Variants in DLG2 observed in about 807,000 individuals in gnomAD.
DLG2 encodes the protein disks large homolog 2.
Under a neutral mutation model 132.5 loss-of-function variants are expected in DLG2, and 45 were observed. That is an observed-to-expected ratio of 0.34 (90% CI 0.27 to 0.44). The LOEUF is 0.44. DLG2 is among the 20% of genes least tolerant of loss of function. The pLI, the probability that DLG2 is intolerant of heterozygous loss-of-function variation, is 1.00. For synonymous variants in DLG2, 424 were observed against 419.6 expected (o/e 1.01, Z -0.13); for missense variants, 1,045 against 1,196.9 (o/e 0.87, Z 1.87).
At chr11:84,406,333 G>A (rs1292974805) in intron 7 of DLG2, among the ~76,000 whole-genome samples, 3 of 151,950 alleles carry the variant, frequency 2.0e-5, no homozygotes, top group African/African-American at 4.8e-5. Flanking sequence ...TTGTTCATTT[G>A]TTTGAGACAG....
intron 6 of DLG2, among the ~76,000 whole-genome samples, chr11:85,095,119 C>T (rs527492120): frequency 6.6e-6 from 1 of 152,234 alleles, no homozygotes; most frequent in African/African-American, 2.4e-5. Context: ...TATATGGGCA[C>T]ATTTTATGAC....
At chr11:84,571,976 T>G (rs966292729) in intron 6 of DLG2, among the ~76,000 whole-genome samples, 3 of 152,166 alleles carry the variant, frequency 2.0e-5, no homozygotes, top group Non-Finnish European at 4.4e-5. Context: ...TAACAACTCT[T>G]TGAGGTAAAT....
chr11:85,256,438 A>T (rs2076669191), intron 4 of DLG2, among the ~76,000 whole-genome samples: 1 of 152,168 alleles, frequency 6.6e-6, no homozygotes, highest in Admixed American at 6.5e-5. Flanking sequence ...GTATTACCTG[A>T]TTCTTCCTTG....
intron 25 of DLG2, among the ~76,000 whole-genome samples, chr11:83,468,240 C>T (rs1328515296): frequency 1.3e-5 from 2 of 152,146 alleles, no homozygotes; most frequent in Admixed American, 1.3e-4. Flanking sequence ...GTCTTCTTAT[C>T]TGAGAAACCC....
At chr11:85,413,450 T>C (rs1290429362) in intron 3 of DLG2, among the ~76,000 whole-genome samples, 2 of 152,090 alleles carry the variant, frequency 1.3e-5, no homozygotes, top group Admixed American at 1.3e-4. Context: ...GTGTTTGTTT[T>C]TGGGTTCTTG....
intron 8 of DLG2, among the ~76,000 whole-genome samples, chr11:84,246,204 T>C (rs1201445112): frequency 6.6e-6 from 1 of 152,222 alleles, no homozygotes; most frequent in Non-Finnish European, 1.5e-5. Flanking sequence ...AAATATTAAA[T>C]GGAGAATTCC....
intron 19 of DLG2, among the ~76,000 whole-genome samples, chr11:83,561,266 T>C (rs1322214195): frequency 6.6e-6 from 1 of 152,098 alleles, no homozygotes; most frequent in Non-Finnish European, 1.5e-5. Context: ...CCAAACCATA[T>C]CACTCTGCAT....
At chr11:85,032,375 G>A (rs1022602335) in intron 6 of DLG2, among the ~76,000 whole-genome samples, 1 of 152,084 alleles carries the variant, frequency 6.6e-6, no homozygotes, top group African/African-American at 2.4e-5. Context: ...ACAAATGAGT[G>A]TCCTATCCTC....
intron 6 of DLG2, among the ~76,000 whole-genome samples, chr11:84,984,907 A>C (rs2154121704): frequency 6.6e-6 from 1 of 152,318 alleles, no homozygotes; most frequent in South Asian, 2.1e-4. Flanking sequence ...TTATATAATG[A>C]TAACAGGCCT....
chr11:83,506,614 G>T (rs534821051), intron 21 of DLG2, among the ~76,000 whole-genome samples: 1 of 152,270 alleles, frequency 6.6e-6, no homozygotes, highest in Admixed American at 6.5e-5. Context: ...GCAGCACAGG[G>T]TTTATCTCCT....
intron 3 of DLG2, among the ~76,000 whole-genome samples, chr11:85,402,995 T>C (rs2088315938): frequency 6.6e-6 from 1 of 152,186 alleles, no homozygotes; most frequent in African/African-American, 2.4e-5. Context: ...TTACTAGGTA[T>C]ATACCCAAAG....
intron 6 of DLG2, among the ~76,000 whole-genome samples, chr11:84,816,753 C>A (rs1249375078): frequency 2.0e-5 from 3 of 151,890 alleles, no homozygotes; most frequent in Admixed American, 2.0e-4. Context: ...TAACTCATAT[C>A]CCCAACCATT....
chr11:84,040,846 C>T (rs1241624400), intron 11 of DLG2, among the ~76,000 whole-genome samples: 36 of 151,986 alleles, frequency 2.4e-4, no homozygotes, highest in African/African-American at 5.8e-4. Context: ...ATTCTTCCTA[C>T]GCATGAGCAT....
chr11:84,501,632 T>G (rs973580513), intron 7 of DLG2, among the ~76,000 whole-genome samples: 42 of 152,152 alleles, frequency 2.8e-4, no homozygotes, highest in African/African-American at 1.0e-3. Flanking sequence ...CTTACATCGT[T>G]GAGATTTTGT....
At chr11:85,373,329 T>C (rs1190135906) in intron 3 of DLG2, among the ~76,000 whole-genome samples, 9 of 152,108 alleles carry the variant, frequency 5.9e-5, no homozygotes, top group Admixed American at 5.9e-4. Flanking sequence ...CAAACTCCAG[T>C]CACACAACTG....
intron 6 of DLG2, among the ~76,000 whole-genome samples, chr11:84,946,137 C>G (rs1348859408): frequency 2.0e-5 from 3 of 152,304 alleles, no homozygotes; most frequent in Non-Finnish European, 2.9e-5. Context: ...CAGGATGGGA[C>G]CAAACATTTC....
intron 6 of DLG2, among the ~76,000 whole-genome samples, chr11:84,737,496 A>AAGAGAGAG (rs1475694473): frequency 4.0e-4 from 50 of 123,592 alleles, no homozygotes; most frequent in Middle Eastern, 8.7e-3. Context: ...GAGAGAAAGA[A>AAGAGAGAG]AGAGACAGAG....
rs141017450 is a variant in DLG2 at position 83,949,463 on chromosome 11, C to A, written c.1340+13422G>T. Among the ~76,000 whole-genome samples, 708 of 146,506 alleles carry A rather than the reference C, an allele frequency of 4.8e-3. 7 individuals are homozygous for A. The highest frequency in any genetic ancestry group is 0.035 in the South Asian group (154 of 4,444). On this transcript the variant is annotated intron_variant, in intron 14 of 27. Transcript: ENST00000376104. ...GGGAAGGAGGAAGCAATTTAACATACGTTAAATGCCAGTTATTTGATTTCC... is the reference window on the plus strand; with the variant it reads ...GGGAAGGAGGAAGCAATTTAACATAAGTTAAATGCCAGTTATTTGATTTCC...
chr11:83,907,318 T>C (rs937428458), intron 15 of DLG2, among the ~76,000 whole-genome samples: 2 of 152,156 alleles, frequency 1.3e-5, no homozygotes. Flanking sequence ...GTGAGGAATA[T>C]GGGCAGGTAA....
Sources: gnomAD v4.1 joint callset for allele counts (sites outside exome capture counted in the v4.1 genomes callset) on GRCh38, gnomAD v4.1.1 for gene constraint, MANE v1.5 for transcripts, NCBI Gene and HGNC (gene_info 2026-07-23, HGNC 2026-07-21) for gene names.